Variants in POU6F2 observed in about 807,000 individuals in gnomAD.
POU6F2 encodes the protein POU domain, class 6, transcription factor 2.
A neutral mutation model predicts 71.3 loss-of-function variants in POU6F2; 31 were observed. That is an observed-to-expected ratio of 0.43 (90% CI 0.33 to 0.59). The LOEUF (loss-of-function observed/expected upper bound fraction) is 0.59, where lower values mean the gene tolerates loss of function less well. POU6F2 is among the 20% of genes least tolerant of loss of function. The pLI is 0.04. For missense variants in POU6F2, 783 were observed against 856.8 expected (o/e 0.91, Z 1.07); for synonymous variants, 347 against 355.7 (o/e 0.98, Z 0.27).
intron 4 of POU6F2, among the ~76,000 whole-genome samples, chr7:39,243,284 A>G (rs76802680): frequency 6.6e-6 from 1 of 152,090 alleles, no homozygotes; most frequent in African/African-American, 2.4e-5. Context: ...TTCTTTCTCA[A>G]AACTGTCCTC....
At chr7:39,241,229 G>A (rs1241650292) in intron 4 of POU6F2, among the ~76,000 whole-genome samples, 2 of 152,066 alleles carry the variant, frequency 1.3e-5, no homozygotes, top group Non-Finnish European at 2.9e-5. Context: ...CAAAATCAAG[G>A]TTTTCTTAGA....
At chr7:38,980,950 T>C (rs1343014632) in intron 1 of POU6F2, among the ~76,000 whole-genome samples, 1 of 152,208 alleles carries the variant, frequency 6.6e-6, no homozygotes, top group Non-Finnish European at 1.5e-5. Flanking sequence ...TGCTCATATA[T>C]GCCTTTCCCC....
chr7:39,225,322 G>A (rs889048033), intron 4 of POU6F2, among the ~76,000 whole-genome samples: 3 of 152,024 alleles, frequency 2.0e-5, no homozygotes, highest in Non-Finnish European at 4.4e-5. Flanking sequence ...TCGAAAAGAG[G>A]GCTGTTTTAT....
intron 4 of POU6F2, among the ~76,000 whole-genome samples, chr7:39,211,540 T>G (rs1794142990): frequency 6.6e-6 from 1 of 152,304 alleles, no homozygotes; most frequent in African/African-American, 2.4e-5. Flanking sequence ...AGAAAACCTG[T>G]ATGTGTGGCC....
chr7:39,227,884 G>T (rs1794501648), intron 4 of POU6F2, among the ~76,000 whole-genome samples: 1 of 152,096 alleles, frequency 6.6e-6, no homozygotes, highest in Admixed American at 6.5e-5. Context: ...AAACTCCCTG[G>T]TTGAGTGTCC....
chr7:39,066,484 A>G (rs1206096281), intron 1 of POU6F2, among the ~76,000 whole-genome samples: 2 of 151,788 alleles, frequency 1.3e-5, no homozygotes, highest in African/African-American at 4.8e-5. Flanking sequence ...CGAAAACTCA[A>G]TAGCTTTTCT....
intron 6 of POU6F2, among the ~76,000 whole-genome samples, chr7:39,420,795 A>G (rs1320153175): frequency 6.6e-6 from 1 of 152,200 alleles, no homozygotes; most frequent in East Asian, 1.9e-4. Context: ...GCTGTGAGAC[A>G]TGTTCCTGAC....
chr7:39,145,283 A>G (rs190640555), intron 2 of POU6F2, among the ~76,000 whole-genome samples: 1 of 152,362 alleles, frequency 6.6e-6, no homozygotes, highest in East Asian at 1.9e-4. Context: ...CTTACAAAAA[A>G]ATCTACTTTG....
At chr7:39,321,978 A>G (rs1471323447) in intron 4 of POU6F2, among the ~76,000 whole-genome samples, 1 of 152,154 alleles carries the variant, frequency 6.6e-6, no homozygotes, top group Non-Finnish European at 1.5e-5. Context: ...GAGAGCCTTC[A>G]TGAAGTAAGT....
At chr7:39,032,411 A>G (rs927610351) in intron 1 of POU6F2, among the ~76,000 whole-genome samples, 3 of 152,236 alleles carry the variant, frequency 2.0e-5, no homozygotes, top group African/African-American at 7.2e-5. Flanking sequence ...GCCATCCCTG[A>G]TAAGATACTA....
At chr7:39,078,227 G>A (rs1584531205) in intron 1 of POU6F2, among the ~76,000 whole-genome samples, 1 of 152,178 alleles carries the variant, frequency 6.6e-6, no homozygotes, top group Non-Finnish European at 1.5e-5. Context: ...TGAAGTCATA[G>A]TTCTCTGTCA....
At chr7:39,032,642 G>A (rs1789970264) in intron 1 of POU6F2, among the ~76,000 whole-genome samples, 1 of 152,198 alleles carries the variant, frequency 6.6e-6, no homozygotes, top group African/African-American at 2.4e-5. Context: ...AGAGAGAAAT[G>A]CAGATTTCAG....
chr7:39,256,331 A>G (rs1784021764), intron 4 of POU6F2, among the ~76,000 whole-genome samples: 1 of 152,208 alleles, frequency 6.6e-6, no homozygotes, highest in Non-Finnish European at 1.5e-5. Flanking sequence ...CAATAAGCAT[A>G]GGAAGACCGG....
intron 1 of POU6F2, among the ~76,000 whole-genome samples, chr7:39,056,867 C>A (rs1380630710): frequency 1.3e-5 from 2 of 152,066 alleles, no homozygotes; most frequent in African/African-American, 2.4e-5. Flanking sequence ...ACAGAATTAT[C>A]TTCTTTACTC....
chr7:39,332,188 T>C (rs1785669352), intron 4 of POU6F2, among the ~76,000 whole-genome samples: 1 of 152,208 alleles, frequency 6.6e-6, no homozygotes, highest in Admixed American at 6.5e-5. Flanking sequence ...TTCTTGTTTC[T>C]TTTTTCACAT....
At chr7:39,120,284 G>A (rs1792013664) in intron 2 of POU6F2, among the ~76,000 whole-genome samples, 1 of 152,182 alleles carries the variant, frequency 6.6e-6, no homozygotes, top group Admixed American at 6.5e-5. Flanking sequence ...GATTATAGGT[G>A]TGAGCCACCA....
At chr7:39,171,979 CAG>C (rs767203499) in intron 2 of POU6F2, among the ~76,000 whole-genome samples, 66 of 152,182 alleles carry the variant, frequency 4.3e-4, no homozygotes, top group Non-Finnish European at 8.4e-4. Context: ...GGGAGGAGAA[CAG>C]AGAGTCTGCA....
intron 1 of POU6F2, among the ~76,000 whole-genome samples, chr7:39,058,018 G>A (rs981409253): frequency 6.6e-6 from 1 of 152,158 alleles, no homozygotes; most frequent in Non-Finnish European, 1.5e-5. Flanking sequence ...CACCTCTGGG[G>A]CCCTGCGGGT....
At chr7:39,183,949 T>A (rs1793484534) in intron 2 of POU6F2, among the ~76,000 whole-genome samples, 1 of 152,156 alleles carries the variant, frequency 6.6e-6, no homozygotes, top group Non-Finnish European at 1.5e-5. Context: ...ATTTCCAACA[T>A]AAAATCCACT....
Sources: gnomAD v4.1 joint callset for allele counts (sites outside exome capture counted in the v4.1 genomes callset) on GRCh38, gnomAD v4.1.1 for gene constraint, MANE v1.5 for transcripts, NCBI Gene and HGNC (gene_info 2026-07-23, HGNC 2026-07-21) for gene names.